Variants in SYP observed in about 807,000 individuals in gnomAD.
The protein encoded by SYP is synaptophysin, also known as major synaptic vesicle protein P38.
In SYP, 2 loss-of-function variants were observed where a neutral mutation model predicts 24.3. The ratio of observed to expected loss-of-function variants is 0.08; its 90% CI spans 0.03 to 0.26. The LOEUF (loss-of-function observed/expected upper bound fraction) is 0.26. Among genes scored for constraint, SYP ranks in the 10% least tolerant of loss-of-function variants. The pLI is 1.00. For missense variants in SYP, 216 were observed against 266.3 expected (o/e 0.81, Z 1.32); for synonymous variants, 143 against 123.2 (o/e 1.16, Z -1.07).
At chrX:49,198,425 G>A (rs2065536900) in intron 2 of SYP, 1 of 119,504 alleles carries the variant, frequency 8.4e-6, no homozygotes, top group Non-Finnish European at 1.7e-5. Context: ...CTTTCTCTCT[G>A]TGTCTCTCTC....
intron 4 of SYP, 90 bp downstream of exon 4, chrX:49,194,076 C>G: frequency 9.3e-7 from 1 of 1,073,669 alleles, no homozygotes; most frequent in Non-Finnish European, 1.3e-6. Context: ...GTGGGCCTGT[C>G]TGGGATTTGG....
intron 3 of SYP, chrX:49,197,369 A>G (rs1245586163): frequency 4.3e-6 from 1 of 234,419 alleles, no homozygotes; most frequent in Non-Finnish European, 7.7e-6. Context: ...ATGTGTATAG[A>G]ATGAATGAAT....
intron 6 of SYP, 114 bp from the exon 7 acceptor site, chrX:49,189,396 GA>G (rs782046610): frequency 9.1e-6 from 1 of 110,338 alleles, no homozygotes; most frequent in Non-Finnish European, 1.9e-5. Context: ...TTCTTTCCTG[GA>G]GCCAGCTTCA....
intron 5 of SYP, among the ~76,000 whole-genome samples, chrX:49,192,704 A>G (rs73209777): frequency 0.084 from 9,445 of 111,785 alleles, 381 homozygotes; most frequent in Non-Finnish European, 0.13. Context: ...AAAAGTTGTA[A>G]TCTTAGCATC....
In SYP at chrX:49,191,562, C is replaced by T; in HGVS notation, c.817G>A (p.Gly273Ser). 7.4e-6 allele frequency: 9 copies of T among 1,210,410 alleles called. No homozygotes were observed. Among genetic ancestry groups the T allele is most frequent in the Non-Finnish European group, 1.0e-5 (9 of 895,180 alleles). ...GGTTGACCATAGTCAGGCTGGTAGC[C>T]GCCCTGAGGCCCGTAGGAATCCTGG... is the stretch of plus-strand genomic sequence containing the variant. ...GPQDSYGPQG[G>S]YQPDYGQPAG... The change falls in exon 6 of 7, where the codon GGC becomes AGC. Residue 273 changes from glycine to serine, a missense_variant. Gly to Ser is a moderately conservative substitution (Grantham distance 56, BLOSUM62 0). This residue lies in a region of SYP where 114 missense variants were observed against 107.9 expected (regional missense o/e 1.06). Transcript: ENST00000263233.
At chrX:49,192,199 TA>T (rs2065512482) in intron 5 of SYP, among the ~76,000 whole-genome samples, 1 of 112,410 alleles carries the variant, frequency 8.9e-6, no homozygotes, top group South Asian at 3.6e-4. Context: ...GAAACTTGCA[TA>T]ATTTTTTTTT....
At chrX:49,194,704 C>CGT (rs1171292067) in intron 3 of SYP, among the ~76,000 whole-genome samples, 2 of 57,407 alleles carry the variant, frequency 3.5e-5, no homozygotes, top group Non-Finnish European at 6.0e-5. Context: ...CCCTCATCTC[C>CGT]TTTTTTTTTT....
intron 5 of SYP, among the ~76,000 whole-genome samples, chrX:49,192,052 T>C (rs1234596473): frequency 1.8e-5 from 2 of 112,845 alleles, no homozygotes; most frequent in Non-Finnish European, 3.7e-5. Context: ...CATTTATGCA[T>C]GTTTAAAATG....
At position 49,194,187 on chromosome X, in the gene SYP, C is replaced by A; in HGVS notation, c.402G>T (p.Glu134Asp). ...TYIFLQNKYRENNKGPMLDFL... is the reference protein window; with the variant it reads ...TYIFLQNKYRDNNKGPMLDFL... ...TCACCAGCATGGGCCCTTTGTTATT[C>A]TCTCGGTACTTGTTCTGCAGGAAGA... is the stretch of plus-strand genomic sequence containing the variant. Residue 134 changes from glutamate to aspartate, a missense_variant, in exon 4 of 7, where the codon GAG becomes GAT. Transcript: ENST00000263233. 1 of 1,211,398 alleles carries A rather than the reference C, an allele frequency of 8.3e-7. No homozygotes were observed. The highest frequency in any genetic ancestry group is 1.1e-6 in the Non-Finnish European group (1 of 895,477).
intron 5 of SYP, 135 bp downstream of exon 5, chrX:49,193,137 G>T (rs1238295334): frequency 4.3e-6 from 3 of 697,987 alleles, no homozygotes; most frequent in East Asian, 3.5e-5. Context: ...CTTCAACGTT[G>T]TTGTTGGCAC....
At position 49,188,523 on chromosome X, in the gene SYP, A is replaced by T. The variant is rs1271898118; in HGVS notation, c.*764T>A. 9.1e-6 allele frequency: 1 copy of T among 110,222 alleles called. No individual in the cohort carries two copies. Among genetic ancestry groups the T allele is most frequent in the African/African-American group, 3.3e-5 (1 of 30,128 alleles). 9.1% of individuals were successfully genotyped at this position (110,222 alleles called of 1,213,427 possible). The stretch of plus-strand genomic sequence containing the variant: ...CTTTAGAATCAAGCTCAGTCTCCCA[A>T]ATGTTCCAAGCCACACCCTTTCCAT... On this transcript the variant is annotated 3_prime_UTR_variant, in exon 7 of 7. Transcript: ENST00000263233.
At position 49,191,352 on chromosome X, in the gene SYP, C is replaced by T. The variant is rs1557102666; in HGVS notation, c.*4+81G>A. On this transcript the variant is annotated intron_variant, in intron 6 of 6. Transcript: ENST00000263233. ...CAGTAAACGCCTTACGTACTCTCTA[C>T]CCCTGACTCTTATTGGTTCACTGAC... is the stretch of plus-strand genomic sequence containing the variant. 2.8e-6 allele frequency: 3 copies of T among 1,089,233 alleles called. No individual in the cohort carries two copies. In the African/African-American group the frequency reaches 5.5e-5, roughly 20 times the overall value. 89.8% of individuals were successfully genotyped at this position (1,089,233 alleles called of 1,213,427 possible).
intron 1 of SYP, chrX:49,199,283 G>A: frequency 2.6e-6 from 1 of 383,394 alleles, no homozygotes; most frequent in Non-Finnish European, 4.6e-6. Context: ...GTCAGGACTA[G>A]TTAAGGAGGG....
intron 6 of SYP, among the ~76,000 whole-genome samples, chrX:49,189,528 C>T (rs1557102408): frequency 1.8e-5 from 2 of 111,210 alleles, no homozygotes; most frequent in Admixed American, 1.9e-4. Context: ...ACTGTTCTAG[C>T]CATTTGTGAT....
At position 49,198,762 on chromosome X, in the gene SYP, G is replaced by A. The variant is rs1338226211; in HGVS notation, c.102+206C>T. 26 of 456,996 alleles carry A rather than the reference G, an allele frequency of 5.7e-5. No homozygotes were observed. The East Asian group carries it at 9.5e-4, about 17-fold the overall frequency. 37.7% of individuals were successfully genotyped at this position (456,996 alleles called of 1,213,427 possible). ...TCACAGTCTCCCACTTCACAACGGG[G>A]GTACCCTCAGCCCTATGTGACGTCA... On this transcript the variant is annotated intron_variant, in intron 2 of 6. Transcript: ENST00000263233.
chrX:49,190,433 G>A (rs1415885107), intron 6 of SYP: 1 of 110,476 alleles, frequency 9.1e-6, no homozygotes, highest in Non-Finnish European at 1.9e-5. Flanking sequence ...GCCCACCTTG[G>A]TCTCCCAAAG....
intron 5 of SYP, 125 bp downstream of exon 5, chrX:49,193,147 C>A: frequency 1.3e-6 from 1 of 770,661 alleles, no homozygotes; most frequent in Non-Finnish European, 1.9e-6. Flanking sequence ...GTTGTTGGCA[C>A]GCGTTCTTCA....
At chrX:49,194,704 C>CTTTTTTTTTTTTTTTTTTTT (rs34247999) in intron 3 of SYP, among the ~76,000 whole-genome samples, 1 of 57,407 alleles carries the variant, frequency 1.7e-5, no homozygotes, top group Non-Finnish European at 3.0e-5. Flanking sequence ...CCCTCATCTC[C>CTTTTTTTTTTTTTTTTTTTT]TTTTTTTTTT....
chrX:49,191,363 T>C, intron 6 of SYP, 70 bp downstream of exon 6: 1 of 1,127,347 alleles, frequency 8.9e-7, no homozygotes, highest in South Asian at 1.9e-5. Flanking sequence ...CCCTGACTCT[T>C]ATTGGTTCAC....
Sources: allele counts gnomAD v4.1 joint callset (sites outside exome capture counted in the v4.1 genomes callset), GRCh38; gene constraint gnomAD v4.1.1; regional missense constraint gnomAD v4.1.1; transcripts MANE v1.5; gene names NCBI Gene and HGNC (gene_info 2026-07-23, HGNC 2026-07-21).